ZNF771: variants seen among roughly 807,000 people sequenced by gnomAD.
The protein encoded by ZNF771 is zinc finger protein 771.
A neutral mutation model predicts 27.6 loss-of-function variants in ZNF771; 10 were observed. The observed-to-expected ratio is 0.36, with a 90% CI of 0.22 to 0.61. The LOEUF is 0.61. Ranked by LOEUF, ZNF771 falls within the 20% of genes least tolerant of loss-of-function variation. The pLI is 0.70. For missense variants in ZNF771, 438 were observed against 503.7 expected, an observed-to-expected ratio of 0.87 and a Z score of 1.25; for synonymous variants, 261 against 225.2, an observed-to-expected ratio of 1.16 and a Z score of -1.43.
chr16:30,409,646 C>T (rs1421238918), intron 2 of ZNF771, among the ~76,000 whole-genome samples: 3 of 152,182 alleles, frequency 2.0e-5, no homozygotes, highest in South Asian at 2.1e-4. Flanking sequence ...GCTCTGCTGC[C>T]CCCTAGTGGG....
chr16:30,416,816 G>A (rs544512128), intron 2 of ZNF771, among the ~76,000 whole-genome samples: 5 of 151,698 alleles, frequency 3.3e-5, no homozygotes, highest in Admixed American at 1.3e-4. Flanking sequence ...CAGGCACAGT[G>A]GTATGTGCCT....
Position 30,417,817 on chromosome 16 carries a change from G to A in ZNF771, c.404G>A (p.Arg135Gln), listed in dbSNP as rs1214806855. 6.0e-6 allele frequency: 9 copies of A among 1,492,086 alleles called. No individual in the cohort carries two copies. Among genetic ancestry groups the A allele is most frequent in the Non-Finnish European group, 8.0e-6 (9 of 1,129,040 alleles). 92.4% of individuals were successfully genotyped at this position (1,492,086 alleles called of 1,614,324 possible). ...CGCTTCTCGGCCGCCTCGAACCTGC[G>A]GCAGCACCGGCGGCGGCACACGGGC... ...DKRFSAASNLRQHRRRHTGEK... is the reference protein window; with the variant it reads ...DKRFSAASNLQQHRRRHTGEK... Residue 135 changes from arginine to glutamine, a missense_variant, in exon 3 of 3, where the codon CGG becomes CAG. Physicochemically the swap from Arg to Gln is conservative, Grantham distance 43 (BLOSUM62 1). Around this residue, in one of 3 missense-constraint regions of ZNF771, gnomAD observed 305 missense variants for 308.0 expected, o/e 0.99. Coordinates refer to ENST00000319296, the MANE Select transcript of ZNF771 (RefSeq NM_001142305.2).
chr16:30,413,825 T>TC (rs1404649677), intron 2 of ZNF771: 2 of 182,004 alleles, frequency 1.1e-5, no homozygotes, highest in African/African-American at 4.7e-5. Context: ...TTCCTTGGCC[T>TC]CCCGAAGTGC....
In ZNF771 at chr16:30,418,901, G is replaced by A. The variant is rs1006295740; in HGVS notation, c.*534G>A. The A allele has an allele frequency of 3.2e-5, 5 of 154,044 alleles. No homozygotes were observed. Among genetic ancestry groups the A allele is most frequent in the South Asian group, 2.0e-4 (1 of 4,898 alleles). The allele number at this position is 154,044 out of a possible 1,614,324, so 9.5% of individuals were successfully genotyped here. On this transcript the variant is annotated 3_prime_UTR_variant, in exon 3 of 3. Coordinates refer to ENST00000319296, the MANE Select transcript of ZNF771 (RefSeq NM_001142305.2). ...TCAGTCTAGTGAAGGAGAGAAAACT[G>A]TAATAACACTACGTTAAAGGTTTTA... is the stretch of plus-strand genomic sequence containing the variant.
rs780169818 is a variant in ZNF771 at position 30,418,244 on chromosome 16, C to T, written c.831C>T (p.His277=). The change falls in exon 3 of 3, where the codon CAC becomes CAT. Residue 277 remains histidine, a synonymous_variant. Coordinates refer to ENST00000319296, the MANE Select transcript of ZNF771 (RefSeq NM_001142305.2). Reference sequence around the variant, plus strand: ...GCCTAAGCTCGCACTTCATTCGCCACCGACGCGCGCACATGCGGCGCCGCC... The same window carrying T: ...GCCTAAGCTCGCACTTCATTCGCCATCGACGCGCGCACATGCGGCGCCGCC... The part of the protein sequence containing the change: ...RFRLSSHFIR[H]RRAHMRRRLY... 1.6e-4 allele frequency: 240 copies of T among 1,515,726 alleles called. 1 individual carries two copies. Among genetic ancestry groups the T allele is most frequent in the Non-Finnish European group, 2.0e-4 (223 of 1,138,746 alleles). 93.9% of individuals were successfully genotyped at this position (1,515,726 alleles called of 1,614,324 possible). A position where few individuals can be genotyped will look rare whatever the true frequency, so the allele number is the denominator to read the frequency against.
chr16:30,410,057 C>G (rs1233903554), intron 2 of ZNF771, among the ~76,000 whole-genome samples: 1 of 152,070 alleles, frequency 6.6e-6, no homozygotes, highest in Non-Finnish European at 1.5e-5. Flanking sequence ...ATTCTTCTCC[C>G]CAAAGCTCAG....
Position 30,417,821 on chromosome 16 carries a change from G to A in ZNF771, c.408G>A (p.Gln136=). 1 of 1,497,450 alleles carries A rather than the reference G, an allele frequency of 6.7e-7. No homozygotes were observed. The highest frequency in any genetic ancestry group is 2.8e-5 in the East Asian group (1 of 35,362). 92.8% of individuals were successfully genotyped at this position (1,497,450 alleles called of 1,614,324 possible). A position where few individuals can be genotyped will look rare whatever the true frequency, so the allele number is the denominator to read the frequency against. The change falls in exon 3 of 3, where the codon CAG becomes CAA. Residue 136 remains glutamine, a synonymous_variant. Coordinates refer to ENST00000319296, the MANE Select transcript of ZNF771 (RefSeq NM_001142305.2). ...KRFSAASNLR[Q]HRRRHTGEKP... is the part of the protein sequence containing the mutation. Reference sequence around the variant, plus strand: ...TCTCGGCCGCCTCGAACCTGCGGCAGCACCGGCGGCGGCACACGGGCGAGA... The same window carrying A: ...TCTCGGCCGCCTCGAACCTGCGGCAACACCGGCGGCGGCACACGGGCGAGA...
In ZNF771 at chr16:30,417,701, C is replaced by T; in HGVS notation, c.288C>T (p.Cys96=). The change falls in exon 3 of 3, where the codon TGC becomes TGT. Residue 96 remains cysteine, a synonymous_variant. Coordinates refer to ENST00000319296, the MANE Select transcript of ZNF771 (RefSeq NM_001142305.2). ...AACGGCCCTTCGGGTGCACCGAGTG[C>T]GGGCGGCGCTTCTCACAGAAGTCGG... ...TGERPFGCTE[C]GRRFSQKSAL... 6 of 1,394,908 alleles carry T rather than the reference C, an allele frequency of 4.3e-6. No individual in the cohort carries two copies. The highest frequency in any genetic ancestry group is 5.6e-6 in the Non-Finnish European group (6 of 1,077,742). 86.4% of individuals were successfully genotyped at this position (1,394,908 alleles called of 1,614,324 possible).
At chr16:30,409,806 C>A (rs1204225054) in intron 2 of ZNF771, among the ~76,000 whole-genome samples, 2 of 152,176 alleles carry the variant, frequency 1.3e-5, no homozygotes, top group African/African-American at 2.4e-5. Context: ...CCACCTTTGG[C>A]CTCTAAGTTA....
At position 30,418,253 on chromosome 16, in the gene ZNF771, G is replaced by T. The variant is rs916644919; in HGVS notation, c.840G>T (p.Ala280=). Reference sequence around the variant, plus strand: ...CGCACTTCATTCGCCACCGACGCGCGCACATGCGGCGCCGCCTGTATATTT... The same window carrying T: ...CGCACTTCATTCGCCACCGACGCGCTCACATGCGGCGCCGCCTGTATATTT... ...LSSHFIRHRR[A]HMRRRLYICA... Residue 280 remains alanine (A), a synonymous_variant, in exon 3 of 3, where the codon GCG becomes GCT. Transcript: ENST00000319296. The T allele has an allele frequency of 1.3e-6, 2 of 1,513,476 alleles. No individual in the cohort carries two copies. 93.8% of individuals were successfully genotyped at this position (1,513,476 alleles called of 1,614,324 possible).
At position 30,418,199 on chromosome 16, in the gene ZNF771, C is replaced by T. The variant is rs1444777590; in HGVS notation, c.786C>T (p.Ala262=). ...CAGGCGAGCGGCCCTACCCCTGCGC[C>T]GAGTGCGGCCGCCGCTTCCGCCTAA... ...THTGERPYPC[A]ECGRRFRLSS... is the part of the protein sequence containing the mutation. Residue 262 remains alanine, a synonymous_variant, in exon 3 of 3, where the codon GCC becomes GCT. Coordinates refer to ENST00000319296, the MANE Select transcript of ZNF771 (RefSeq NM_001142305.2). The T allele has an allele frequency of 6.6e-7, 1 of 1,504,634 alleles. No homozygotes were observed. 93.2% of individuals were successfully genotyped at this position (1,504,634 alleles called of 1,614,324 possible). A position where few individuals can be genotyped will look rare whatever the true frequency, so the allele number is the denominator to read the frequency against.
chr16:30,414,989 A>C lies in ZNF771; in HGVS notation c.142-2566A>C, dbSNP rs1302743290. Among the ~76,000 whole-genome samples the C allele has an allele frequency of 1.1e-4, 8 of 74,104 alleles. No individual in the cohort carries two copies. In the East Asian group the frequency reaches 1.5e-3, roughly 14 times the overall value. 48.6% of individuals were successfully genotyped at this position (74,104 alleles called of 152,430 possible). ...TTTTTTTTTTTTGAGATGGAATCTC[A>C]CTCTGTTCCCCAGGCTGGAGTGCAG... On this transcript the variant is annotated intron_variant, in intron 2 of 2. Transcript: ENST00000319296.
At position 30,418,210 on chromosome 16, in the gene ZNF771, G is replaced by T; in HGVS notation, c.797G>T (p.Arg266Leu). The change falls in exon 3 of 3, where the codon CGC becomes CTC. Residue 266 changes from arginine (R) to leucine (L), a missense_variant. This residue lies in a region of ZNF771 where 305 missense variants were observed against 308.0 expected (regional missense o/e 0.99). Coordinates refer to ENST00000319296, the MANE Select transcript of ZNF771 (RefSeq NM_001142305.2). Reference protein sequence around the residue: ...ERPYPCAECGRRFRLSSHFIR... With the variant: ...ERPYPCAECGLRFRLSSHFIR... ...CCCTACCCCTGCGCCGAGTGCGGCCGCCGCTTCCGCCTAAGCTCGCACTTC... is the reference window on the plus strand; with the variant it reads ...CCCTACCCCTGCGCCGAGTGCGGCCTCCGCTTCCGCCTAAGCTCGCACTTC... The T allele has an allele frequency of 6.6e-7, 1 of 1,505,732 alleles. No homozygotes were observed. Among genetic ancestry groups the T allele is most frequent in the South Asian group, 1.2e-5 (1 of 80,676 alleles). 93.3% of individuals were successfully genotyped at this position (1,505,732 alleles called of 1,614,324 possible).
chr16:30,408,387 T>C (rs911506940), intron 2 of ZNF771, among the ~76,000 whole-genome samples, 193 bp downstream of exon 2: 4 of 152,170 alleles, frequency 2.6e-5, no homozygotes, highest in African/African-American at 9.7e-5. Flanking sequence ...GTCCCAGGCT[T>C]CCTGCTGGGT....
At chr16:30,412,681 A>G (rs570353907) in intron 2 of ZNF771, among the ~76,000 whole-genome samples, 2 of 152,046 alleles carry the variant, frequency 1.3e-5, no homozygotes, top group African/African-American at 2.4e-5. Context: ...AGCGCCAGCT[A>G]TTTGGGGGGT....
At position 30,417,741 on chromosome 16, in the gene ZNF771, G is replaced by T; in HGVS notation, c.328G>T (p.Gly110Cys). Residue 110 changes from glycine (G) to cysteine (C), a missense_variant, in exon 3 of 3, where the codon GGC becomes TGC. Transcript: ENST00000319296. Reference sequence around the variant, plus strand: ...ACAGAAGTCGGCGCTGACCAAACACGGCCGCACGCACACGGGCGAGCGGCC... The same window carrying T: ...ACAGAAGTCGGCGCTGACCAAACACTGCCGCACGCACACGGGCGAGCGGCC... ...FSQKSALTKH[G>C]RTHTGERPYE... 2.1e-6 allele frequency: 3 copies of T among 1,409,634 alleles called. No homozygotes were observed. Among genetic ancestry groups the T allele is most frequent in the Non-Finnish European group, 2.8e-6 (3 of 1,087,190 alleles). 87.3% of individuals were successfully genotyped at this position (1,409,634 alleles called of 1,614,324 possible). A position where few individuals can be genotyped will look rare whatever the true frequency, so the allele number is the denominator to read the frequency against.
chr16:30,415,360 C>G (rs1031408554), intron 2 of ZNF771, among the ~76,000 whole-genome samples: 1 of 151,574 alleles, frequency 6.6e-6, no homozygotes, highest in African/African-American at 2.4e-5. Context: ...AACAGAAGGC[C>G]CTACTATTTT....
At chr16:30,408,326 A>G (rs1472651955) in intron 2 of ZNF771, 132 bp downstream of exon 2, 8 of 1,285,192 alleles carry the variant, frequency 6.2e-6, no homozygotes, top group Non-Finnish European at 7.7e-6. Context: ...GGATTGGCCC[A>G]TCCTTCTGCC....
At chr16:30,416,073 C>G (rs1218124000) in intron 2 of ZNF771, among the ~76,000 whole-genome samples, 1 of 152,148 alleles carries the variant, frequency 6.6e-6, no homozygotes, top group African/African-American at 2.4e-5. Flanking sequence ...TTTACCCTTG[C>G]CTTTTTCTTC....
Sources: allele counts gnomAD v4.1 joint callset (sites outside exome capture counted in the v4.1 genomes callset), GRCh38; gene constraint gnomAD v4.1.1; regional missense constraint gnomAD v4.1.1; transcripts MANE v1.5; gene names NCBI Gene and HGNC (gene_info 2026-07-23, HGNC 2026-07-21).